Variants in SRGAP3 observed in about 807,000 individuals in gnomAD.
SRGAP3 encodes the protein SLIT-ROBO Rho GTPase-activating protein 3.
SRGAP3 carries 39 observed loss-of-function variants against 121.1 expected under a neutral mutation model. That is an observed-to-expected ratio of 0.32 (90% CI 0.25 to 0.42). The LOEUF is 0.42. SRGAP3 is among the 10% of genes least tolerant of loss of function. The pLI is 1.00. For missense variants in SRGAP3, 1,213 were observed against 1,470.6 expected (o/e 0.82, Z 2.86); for synonymous variants, 601 against 570.0 (o/e 1.05, Z -0.77).
At chr3:9,136,053 C>A (rs1460415612) in intron 1 of SRGAP3, among the ~76,000 whole-genome samples, 2 of 152,222 alleles carry the variant, frequency 1.3e-5, no homozygotes, top group Non-Finnish European at 2.9e-5. Context: ...GTTTCCCAGG[C>A]GCCATCTCGC....
chr3:9,271,469 T>G (rs867072251), intron 3 of SRGAP3, among the ~76,000 whole-genome samples: 6 of 152,210 alleles, frequency 3.9e-5, no homozygotes, highest in South Asian at 2.1e-4. Context: ...TCCGAGACCA[T>G]GGGGCAGAGG....
intron 2 of SRGAP3, among the ~76,000 whole-genome samples, chr3:9,112,731 C>T (rs1331184139): frequency 6.6e-6 from 1 of 152,210 alleles, no homozygotes; most frequent in Non-Finnish European, 1.5e-5. Flanking sequence ...GCCACCCACA[C>T]ACCCTATGTC....
intron 9 of SRGAP3, chr3:9,049,174 C>T (rs1945433160): frequency 3.1e-6 from 1 of 322,850 alleles, no homozygotes; most frequent in African/African-American, 2.2e-5. Flanking sequence ...TCACCACCTT[C>T]CCATTGACAG....
At position 8,985,174 on chromosome 3, in the gene SRGAP3, A is replaced by C; in HGVS notation, c.*345T>G. ...TATGCACACATCGATATACACACAC[A>C]TATACGTATGTAGAGAGAATGTCGA... On this transcript the variant is annotated 3_prime_UTR_variant, in exon 22 of 22. Transcript: ENST00000383836. This position sits in a 1 kb window ranked among gnomAD's most constrained non-coding sequence, Gnocchi z 5.1. 1 of 418,794 alleles carries C rather than the reference A, an allele frequency of 2.4e-6. No homozygotes were observed. 25.9% of individuals were successfully genotyped at this position (418,794 alleles called of 1,614,324 possible).
At chr3:9,230,867 A>G (rs1006856262) in intron 1 of SRGAP3, among the ~76,000 whole-genome samples, 16 of 149,016 alleles carry the variant, frequency 1.1e-4, no homozygotes, top group South Asian at 2.1e-4. Flanking sequence ...AAAAAAAAAA[A>G]AAAAGAAAAG....
At position 9,248,901 on chromosome 3, in the gene SRGAP3, A is replaced by G. The variant is rs144344273; in HGVS notation, c.51T>C (p.Tyr17=). ...GCATCTCACCTTTTATTTGGGCTTC[A>G]TATTCAGCAATGATCTCTTTGTCTT... ...FKKDKEIIAE[Y]EAQIKEIRTQ... Residue 17 remains tyrosine, a synonymous_variant, in exon 1 of 22, where the codon TAT becomes TAC. Transcript: ENST00000383836. 2,554 of 1,614,240 alleles carry G rather than the reference A, an allele frequency of 1.6e-3. 28 individuals carry two copies. The East Asian group carries it at 0.024, about 15-fold the overall frequency.
At chr3:9,113,282 T>C (rs1948695420) in intron 2 of SRGAP3, among the ~76,000 whole-genome samples, 1 of 152,170 alleles carries the variant, frequency 6.6e-6, no homozygotes, top group Non-Finnish European at 1.5e-5. Context: ...CCAAGGACTG[T>C]GAAGGAGGAT....
chr3:9,028,669 T>A (rs1944328516), intron 12 of SRGAP3, among the ~76,000 whole-genome samples: 1 of 152,218 alleles, frequency 6.6e-6, no homozygotes, highest in Non-Finnish European at 1.5e-5. Context: ...AGGTACCCTC[T>A]GGATAGATGC....
intron 1 of SRGAP3, among the ~76,000 whole-genome samples, chr3:9,226,611 C>T (rs905507814): frequency 2.6e-5 from 4 of 152,296 alleles, no homozygotes; most frequent in South Asian, 4.1e-4. Flanking sequence ...TCACTGTCAA[C>T]GAGAACCTTA....
intron 10 of SRGAP3, among the ~76,000 whole-genome samples, chr3:9,038,874 G>A (rs1944894585): frequency 6.6e-6 from 1 of 152,130 alleles, no homozygotes; most frequent in South Asian, 2.1e-4. Context: ...ATATCAACAT[G>A]TTCTGGATAT....
intron 2 of SRGAP3, among the ~76,000 whole-genome samples, chr3:9,106,547 T>A (rs1948425073): frequency 6.6e-6 from 1 of 152,160 alleles, no homozygotes; most frequent in East Asian, 1.9e-4. Context: ...TTGAATTGTA[T>A]CTCCCAGAAT....
intron 7 of SRGAP3, 28 bp from the exon 8 acceptor site, chr3:9,056,362 G>A (rs1346668776): frequency 6.2e-7 from 1 of 1,607,386 alleles, no homozygotes; most frequent in African/African-American, 1.3e-5. Flanking sequence ...ACCATCTGTG[G>A]TTGCCCTGTG....
At chr3:9,104,895 G>A in intron 2 of SRGAP3, 53 bp from the exon 3 acceptor site, 1 of 1,610,182 alleles carries the variant, frequency 6.2e-7, no homozygotes, top group Non-Finnish European at 8.5e-7. Flanking sequence ...TCATCCAACA[G>A]TGGTTTATGC....
chr3:9,316,614 C>A (rs1338244409), intron 3 of SRGAP3, among the ~76,000 whole-genome samples: 1 of 151,882 alleles, frequency 6.6e-6, no homozygotes, highest in East Asian at 1.9e-4. Flanking sequence ...GAGCTGAGAT[C>A]GCACCACTGC....
At chr3:9,131,433 CTTTTTTTTT>C (rs869155697) in intron 1 of SRGAP3, among the ~76,000 whole-genome samples, 2 of 90,216 alleles carry the variant, frequency 2.2e-5, no homozygotes, top group African/African-American at 4.4e-5. Context: ...AGATCTAATT[CTTTTTTTTT>C]TTTTTTTTTT....
chr3:9,162,862 A>G (rs569416826), intron 1 of SRGAP3, among the ~76,000 whole-genome samples: 5 of 152,336 alleles, frequency 3.3e-5, no homozygotes, highest in African/African-American at 1.2e-4. Flanking sequence ...AATGACTCCA[A>G]AAGGGGCAAG....
intron 1 of SRGAP3, among the ~76,000 whole-genome samples, chr3:9,343,469 T>A (rs1955827940): frequency 6.6e-6 from 1 of 152,200 alleles, no homozygotes; most frequent in Non-Finnish European, 1.5e-5. Context: ...GCCAAAGTAA[T>A]CTTTTGTTTC....
At chr3:9,130,384 T>C (rs749910406) in intron 1 of SRGAP3, among the ~76,000 whole-genome samples, 18 of 152,236 alleles carry the variant, frequency 1.2e-4, no homozygotes, top group African/African-American at 3.9e-4. Flanking sequence ...CTGAACTGTA[T>C]TGAGGTGCCT....
chr3:9,163,251 C>T (rs796849507), intron 1 of SRGAP3, among the ~76,000 whole-genome samples: 16 of 152,320 alleles, frequency 1.1e-4, no homozygotes, highest in African/African-American at 3.9e-4. Flanking sequence ...CAGGCATCAG[C>T]GCCCACTCTC....
Sources: allele counts gnomAD v4.1 joint callset (sites outside exome capture counted in the v4.1 genomes callset), GRCh38; gene constraint gnomAD v4.1.1; non-coding constraint Gnocchi (gnomAD v3.1); transcripts MANE v1.5; gene names NCBI Gene and HGNC (gene_info 2026-07-23, HGNC 2026-07-21).